The following BICDL1 variants were observed in gnomAD, a reference collection of about 807,000 sequenced individuals.
BICDL1 encodes the protein BICD family-like cargo adapter 1.
BICDL1 carries 20 observed loss-of-function variants against 76.8 expected under a neutral mutation model. The observed-to-expected ratio is 0.26, with a 90% CI of 0.18 to 0.38. BICDL1 has a LOEUF of 0.38. Ranked by LOEUF, BICDL1 falls within the 10% of genes least tolerant of loss-of-function variation. The pLI, the probability that BICDL1 is intolerant of heterozygous loss-of-function variation, is 1.00. For missense variants in BICDL1, 700 were observed against 798.6 expected (o/e 0.88, Z 1.49); for synonymous variants, 383 against 337.1 (o/e 1.14, Z -1.49).
chr12:120,021,939 AT>A (rs1222279677), intron 2 of BICDL1, among the ~76,000 whole-genome samples: 5 of 149,390 alleles, frequency 3.3e-5, no homozygotes, highest in East Asian at 3.9e-4. Flanking sequence ...AAATAAAAAA[AT>A]AAAATAATAA....
chr12:120,063,811 C>G (rs1329844799), intron 3 of BICDL1, among the ~76,000 whole-genome samples: 4 of 136,200 alleles, frequency 2.9e-5, no homozygotes, highest in Non-Finnish European at 6.1e-5. Context: ...GCTTTCTGGA[C>G]CCCCTGAGCC....
intron 1 of BICDL1, among the ~76,000 whole-genome samples, chr12:119,991,718 G>A (rs1348959525): frequency 6.6e-6 from 1 of 152,140 alleles, no homozygotes; most frequent in African/African-American, 2.4e-5. Flanking sequence ...GGACTTGATT[G>A]AAGAGACAGC....
In BICDL1 at chr12:120,071,490, T is replaced by G. The variant is rs973431915; in HGVS notation, c.910-132T>G. On this transcript the variant is annotated intron_variant, in intron 4 of 9. Transcript: ENST00000548673. The surrounding 1 kb of genome is among the most constrained non-coding windows in gnomAD (Gnocchi z 4.8). ...GCTGAGTGCATCTCCTGATGTAGTT[T>G]AACATGTTCTTCTCTCCTATTTATT... 3.1e-6 allele frequency: 4 copies of G among 1,302,312 alleles called. No homozygotes were observed. Among genetic ancestry groups the G allele is most frequent in the Non-Finnish European group, 4.1e-6 (4 of 984,432 alleles). 80.7% of individuals were successfully genotyped at this position (1,302,312 alleles called of 1,614,324 possible).
At chr12:120,092,111 G>A (rs757554725) in intron 9 of BICDL1, 16 of 985,410 alleles carry the variant, frequency 1.6e-5, no homozygotes, top group Non-Finnish European at 1.9e-5. Context: ...TCTAAAGCAG[G>A]AGTTTTCAAA....
At chr12:120,064,984 G>A (rs1953189375) in intron 4 of BICDL1, 105 bp downstream of exon 4, 2 of 1,324,802 alleles carry the variant, frequency 1.5e-6, no homozygotes, top group Non-Finnish European at 2.1e-6. Context: ...GGGTAAGCTG[G>A]GAGTGGATGA....
intron 7 of BICDL1, among the ~76,000 whole-genome samples, chr12:120,077,691 A>G (rs911430350): frequency 1.3e-5 from 2 of 152,096 alleles, no homozygotes; most frequent in African/African-American, 4.8e-5. Flanking sequence ...CAGCATGGCC[A>G]TCTCCTCCAT....
rs1165616717 is a variant in BICDL1, at chr12:120,080,869, T to C, written c.1453-18T>C. The C allele has an allele frequency of 6.2e-7, 1 of 1,610,994 alleles. No individual in the cohort carries two copies. Among genetic ancestry groups the C allele is most frequent in the South Asian group, 1.1e-5 (1 of 90,958 alleles). On this transcript the variant is annotated intron_variant, in intron 7 of 9. Coordinates refer to ENST00000548673, the MANE Select transcript of BICDL1 (RefSeq NM_001367886.1). The stretch of plus-strand genomic sequence containing the variant: ...ACCCAGGACAGCAGCAGTGATACCA[T>C]ATTCATTCTCCTGTTAGGTGACACT...
intron 8 of BICDL1, among the ~76,000 whole-genome samples, chr12:120,087,104 G>A (rs1199153565): frequency 6.6e-6 from 1 of 152,272 alleles, no homozygotes; most frequent in Non-Finnish European, 1.5e-5. Context: ...GGCTGTGGCT[G>A]TCGTGGGGCA....
Position 119,990,283 on chromosome 12 carries a change from A to T in BICDL1, c.415A>T (p.Thr139Ser), listed in dbSNP as rs769426864. The T allele has an allele frequency of 2.6e-6, 4 of 1,568,306 alleles. No individual in the cohort carries two copies. In the South Asian group the frequency reaches 4.7e-5, roughly 18 times the overall value. ...GTACGAGCAGATGCATAAGGAGCTG[A>T]CAGACAAGCTCGAGGTGAGGACCTC... ...RQYEQMHKEL[T>S]DKLEHLEQEK... The change falls in exon 1 of 10, where the codon ACA (threonine) becomes TCA (serine). Residue 139 changes from threonine (T) to serine (S), a missense_variant. Thr to Ser is a moderately conservative substitution (Grantham distance 58). This residue lies in a region of BICDL1 where 225 missense variants were observed against 199.6 expected (regional missense o/e 1.13). Transcript: ENST00000548673.
At chr12:120,045,268 A>G (rs535519815) in intron 2 of BICDL1, among the ~76,000 whole-genome samples, 1 of 152,332 alleles carries the variant, frequency 6.6e-6, no homozygotes, top group South Asian at 2.1e-4. Context: ...GTCAGGAAAC[A>G]ACAAGTGCTG....
intron 7 of BICDL1, among the ~76,000 whole-genome samples, chr12:120,078,588 G>A (rs367962586): frequency 1.3e-5 from 2 of 152,118 alleles, no homozygotes; most frequent in Non-Finnish European, 2.9e-5. Context: ...CATTTATCTC[G>A]TAATCCTCAA....
intron 2 of BICDL1, among the ~76,000 whole-genome samples, chr12:120,001,962 T>G (rs1331847204): frequency 6.6e-6 from 1 of 152,168 alleles, no homozygotes; most frequent in Non-Finnish European, 1.5e-5. Context: ...AGCCCAGGAC[T>G]TTGAAGCTGC....
chr12:120,082,085 A>G (rs1874036633), intron 8 of BICDL1, among the ~76,000 whole-genome samples: 1 of 152,166 alleles, frequency 6.6e-6, no homozygotes, highest in Non-Finnish European at 1.5e-5. Context: ...ATTCCATTTA[A>G]CTGATGTGTC....
intron 2 of BICDL1, among the ~76,000 whole-genome samples, chr12:120,003,159 A>T (rs111855455): frequency 3.1e-4 from 2 of 6,490 alleles, no homozygotes; most frequent in Non-Finnish European, 6.7e-4. Context: ...CCCCATCTTT[A>T]AAAAAAAAAA....
chr12:120,006,578 A>G (rs559851378), intron 2 of BICDL1, among the ~76,000 whole-genome samples: 2 of 152,200 alleles, frequency 1.3e-5, no homozygotes, highest in Admixed American at 6.5e-5. Context: ...AGACAACTCA[A>G]TTTTTGATAG....
chr12:119,993,309 T>C (rs1423298402), intron 1 of BICDL1: 1 of 152,170 alleles, frequency 6.6e-6, no homozygotes, highest in Non-Finnish European at 1.5e-5. Context: ...CAAGATCTTT[T>C]CTACCTATTC....
At chr12:120,090,789 C>A in intron 9 of BICDL1, 1 of 903,094 alleles carries the variant, frequency 1.1e-6, no homozygotes, top group Non-Finnish European at 1.6e-6. Context: ...CCCCATGGGG[C>A]TGGCAGCCAG....
At chr12:120,004,727 G>A (rs571016122) in intron 2 of BICDL1, among the ~76,000 whole-genome samples, 1 of 152,322 alleles carries the variant, frequency 6.6e-6, no homozygotes, top group East Asian at 1.9e-4. Context: ...GATAGGGTCG[G>A]CTTCTTAAGG....
At chr12:120,075,852 A>G (rs917081256) in intron 7 of BICDL1, among the ~76,000 whole-genome samples, 16 of 152,212 alleles carry the variant, frequency 1.1e-4, no homozygotes, top group African/African-American at 3.9e-4. Context: ...CAAGGACACA[A>G]AGATGCCATT....
Sources: gnomAD v4.1 joint callset for allele counts (sites outside exome capture counted in the v4.1 genomes callset) on GRCh38, gnomAD v4.1.1 for gene constraint, gnomAD v4.1.1 regional missense constraint, Gnocchi (gnomAD v3.1) non-coding constraint, MANE v1.5 for transcripts, NCBI Gene and HGNC (gene_info 2026-07-23, HGNC 2026-07-21) for gene names.